The following KCNN3 variants were observed in gnomAD, a reference collection of about 807,000 sequenced individuals.
KCNN3 encodes small conductance calcium-activated potassium channel protein 3.
A neutral mutation model predicts 62.9 loss-of-function variants in KCNN3; 16 were observed. The ratio of observed to expected loss-of-function variants is 0.25; its 90% CI spans 0.17 to 0.39. The LOEUF (loss-of-function observed/expected upper bound fraction) is 0.39. Ranked by LOEUF, KCNN3 falls within the 10% of genes least tolerant of loss-of-function variation. The pLI, the probability that KCNN3 is intolerant of heterozygous loss-of-function variation, is 1.00. For synonymous variants in KCNN3, 370 were observed against 389.2 expected, an observed-to-expected ratio of 0.95 and a Z score of 0.58; for missense variants, 599 against 949.4, an observed-to-expected ratio of 0.63 and a Z score of 4.85.
rs550345645 is a variant in KCNN3 at position 154,852,578 on chromosome 1, C to T, written c.933+16454G>A. 2.8e-3 allele frequency among the ~76,000 whole-genome samples: 426 copies of T among 152,164 alleles called. 1 individual carries two copies. Among genetic ancestry groups the T allele is most frequent in the Middle Eastern group, 0.017 (5 of 294 alleles). On this transcript the variant is annotated intron_variant, in intron 1 of 7. Coordinates refer to ENST00000271915, the MANE Select transcript of KCNN3 (RefSeq NM_002249.6). Reference sequence around the variant, plus strand: ...ACAGATCAAGTATCTCCAATGAAAACTTAATGTCTGATTGAGATATGCTGT... The same window carrying T: ...ACAGATCAAGTATCTCCAATGAAAATTTAATGTCTGATTGAGATATGCTGT...
chr1:154,863,447 C>A lies in KCNN3; in HGVS notation c.933+5585G>T, dbSNP rs757129223. Among the ~76,000 whole-genome samples the A allele has an allele frequency of 1.6e-4, 25 of 152,136 alleles. 1 individual carries two copies. Among genetic ancestry groups the A allele is most frequent in the Non-Finnish European group, 2.6e-4 (18 of 68,030 alleles). On this transcript the variant is annotated intron_variant, in intron 1 of 7. Coordinates refer to ENST00000271915, the MANE Select transcript of KCNN3 (RefSeq NM_002249.6). The stretch of plus-strand genomic sequence containing the variant: ...AAAGAACTACAAATGAATGTGCTGG[C>A]CTGCCTGTCACTGAGCTGAGTAAAG...
chr1:154,830,300 T>C (rs1651329652), intron 1 of KCNN3, among the ~76,000 whole-genome samples: 2 of 152,156 alleles, frequency 1.3e-5, no homozygotes, highest in South Asian at 4.1e-4. Context: ...GAGGGTCACA[T>C]TCCCACCGTC....
At chr1:154,811,006 T>A (rs2101883708) in intron 2 of KCNN3, among the ~76,000 whole-genome samples, 1 of 152,332 alleles carries the variant, frequency 6.6e-6, no homozygotes, top group East Asian at 1.9e-4. Context: ...AAAGGGGGTA[T>A]GAATACAGAG....
chr1:154,732,763 T>C (rs1156531551), intron 4 of KCNN3, among the ~76,000 whole-genome samples: 1 of 152,206 alleles, frequency 6.6e-6, no homozygotes, highest in Non-Finnish European at 1.5e-5. Context: ...GAGCTGTGAA[T>C]AGACCATTAA....
At chr1:154,811,025 C>G (rs1454970386) in intron 2 of KCNN3, among the ~76,000 whole-genome samples, 4 of 152,186 alleles carry the variant, frequency 2.6e-5, no homozygotes, top group Non-Finnish European at 5.9e-5. Flanking sequence ...AGCCTAACTA[C>G]GGGACTGTCG....
Position 154,772,229 on chromosome 1 carries a change from C to T in KCNN3, c.1194G>A (p.Arg398=). 6.2e-7 allele frequency: 1 copy of T among 1,614,218 alleles called. No homozygotes were observed. Among genetic ancestry groups the T allele is most frequent in the South Asian group, 1.1e-5 (1 of 91,080 alleles). Residue 398 remains arginine (R), a synonymous_variant, in exon 3 of 8, where the codon CGG becomes CGA. Coordinates refer to ENST00000271915, the MANE Select transcript of KCNN3 (RefSeq NM_002249.6). This position sits in a 1 kb window ranked among gnomAD's most constrained non-coding sequence, Gnocchi z 5.6. The stretch of plus-strand genomic sequence containing the variant: ...GGATGATGTCCACATCGGCCTCCGC[C>T]CGGGAGGGTGTGTAGGAGAAGGCCA... ...ARLAFSYTPS[R]AEADVDIILS...
chr1:154,801,139 G>C (rs539767040), intron 2 of KCNN3, among the ~76,000 whole-genome samples: 45 of 152,058 alleles, frequency 3.0e-4, no homozygotes, highest in Non-Finnish European at 4.1e-4. Context: ...AAGGAGGTGG[G>C]GGGGAGAGCC....
intron 3 of KCNN3, among the ~76,000 whole-genome samples, chr1:154,749,144 A>G (rs1647228180): frequency 6.6e-6 from 1 of 152,220 alleles, no homozygotes; most frequent in Non-Finnish European, 1.5e-5. Flanking sequence ...CATGCTTCCC[A>G]GGAGAGTAAG....
In KCNN3 at chr1:154,703,817, C is replaced by T. The variant is rs1699913697; in HGVS notation, c.*4159G>A. 1 of 152,316 alleles carries T rather than the reference C, an allele frequency of 6.6e-6. No individual in the cohort carries two copies. Among genetic ancestry groups the T allele is most frequent in the African/African-American group, 2.4e-5 (1 of 41,578 alleles). The allele number at this position is 152,316 out of a possible 1,614,324, so 9.4% of individuals were successfully genotyped here. Reference sequence around the variant, plus strand: ...GTAACATCAAGGTGTGATCTAGATACAGTCAGTCTGGGCTGCTGTTGATGA... The same window carrying T: ...GTAACATCAAGGTGTGATCTAGATATAGTCAGTCTGGGCTGCTGTTGATGA... On this transcript the variant is annotated 3_prime_UTR_variant, in exon 8 of 8. Transcript: ENST00000271915.
intron 4 of KCNN3, among the ~76,000 whole-genome samples, chr1:154,732,089 C>T (rs1197723646): frequency 1.3e-5 from 2 of 152,242 alleles, no homozygotes; most frequent in Non-Finnish European, 2.9e-5. Flanking sequence ...AGCACTTTAA[C>T]ATAAATCATT....
intron 2 of KCNN3, among the ~76,000 whole-genome samples, chr1:154,781,436 A>G (rs1235380874): frequency 2.0e-5 from 3 of 152,182 alleles, no homozygotes; most frequent in African/African-American, 4.8e-5. Context: ...CATTTCTTTC[A>G]TAAGATTTTT....
chr1:154,716,032 T>G (rs147990030), intron 5 of KCNN3, among the ~76,000 whole-genome samples: 165 of 152,280 alleles, frequency 1.1e-3, no homozygotes, highest in Non-Finnish European at 2.0e-3. Context: ...TCAGTGAAGA[T>G]ATTTAGGTGT....
chr1:154,774,420 C>T (rs1162278837), intron 2 of KCNN3, among the ~76,000 whole-genome samples: 6 of 152,236 alleles, frequency 3.9e-5, no homozygotes, highest in Admixed American at 6.5e-5. Flanking sequence ...AGGGACTTCA[C>T]ATCCTTCCCC....
intron 2 of KCNN3, among the ~76,000 whole-genome samples, chr1:154,796,201 C>T (rs540952280): frequency 6.6e-6 from 1 of 152,188 alleles, no homozygotes; most frequent in Non-Finnish European, 1.5e-5. Context: ...AAGATATACA[C>T]TCAGCAGTGA....
intron 4 of KCNN3, among the ~76,000 whole-genome samples, chr1:154,731,737 T>G (rs1163599965): frequency 1.3e-5 from 2 of 151,436 alleles, no homozygotes; most frequent in Admixed American, 1.3e-4. Flanking sequence ...TGAGGGGGGC[T>G]GTGGACGGGG....
chr1:154,700,716 T>G lies in KCNN3; in HGVS notation c.*7260A>C, dbSNP rs1456482102. On this transcript the variant is annotated 3_prime_UTR_variant, in exon 8 of 8. Coordinates refer to ENST00000271915, the MANE Select transcript of KCNN3 (RefSeq NM_002249.6). Reference sequence around the variant, plus strand: ...TACTCGGGAGGCTGAGGCAGGAGAATTGCATGAACCCAGGAGGCAGAGCTT... The same window carrying G: ...TACTCGGGAGGCTGAGGCAGGAGAAGTGCATGAACCCAGGAGGCAGAGCTT... 1 of 152,038 alleles carries G rather than the reference T, an allele frequency of 6.6e-6. No homozygotes were observed. The highest frequency in any genetic ancestry group is 2.1e-4 in the South Asian group (1 of 4,812). The allele number at this position is 152,038 out of a possible 1,614,324, so 9.4% of individuals were successfully genotyped here.
At chr1:154,790,059 C>T (rs980178453) in intron 2 of KCNN3, among the ~76,000 whole-genome samples, 1 of 152,202 alleles carries the variant, frequency 6.6e-6, no homozygotes, top group East Asian at 1.9e-4. Context: ...CAGGCATGCA[C>T]TACAATGCCC....
rs998999011 is a variant in KCNN3 at position 154,862,252 on chromosome 1, G to A, written c.933+6780C>T. Among the ~76,000 whole-genome samples the A allele has an allele frequency of 1.3e-5, 2 of 152,150 alleles. No individual in the cohort carries two copies. The highest frequency in any genetic ancestry group is 2.1e-4 in the South Asian group (1 of 4,818). ...ACCCTGGGAACCCCTGTGCAGCCGA[G>A]TTTTCTCATCCCTGAGATAGTTGGT... On this transcript the variant is annotated intron_variant, in intron 1 of 7. Transcript: ENST00000271915. This position sits in a 1 kb window ranked among gnomAD's most constrained non-coding sequence, Gnocchi z 4.1.
At chr1:154,853,455 A>C (rs1275356282) in intron 1 of KCNN3, among the ~76,000 whole-genome samples, 1 of 150,874 alleles carries the variant, frequency 6.6e-6, no homozygotes, top group African/African-American at 2.4e-5. Flanking sequence ...CCCACCTCAG[A>C]CTCCCAAGTA....
Sources: allele counts gnomAD v4.1 joint callset (sites outside exome capture counted in the v4.1 genomes callset), GRCh38; gene constraint gnomAD v4.1.1; non-coding constraint Gnocchi (gnomAD v3.1); transcripts MANE v1.5; gene names NCBI Gene and HGNC (gene_info 2026-07-23, HGNC 2026-07-21).